Variants in XRCC1 observed in about 807,000 individuals in gnomAD.
The protein encoded by XRCC1 is X-ray repair cross complementing 1.
A neutral mutation model predicts 83.3 loss-of-function variants in XRCC1; 52 were observed. The observed-to-expected ratio is 0.62, with a 90% CI of 0.50 to 0.79. XRCC1 has a LOEUF of 0.79. XRCC1 is among the 30% of genes least tolerant of loss of function. The probability of loss-of-function intolerance (pLI) is 0.00; values close to 1 mark genes in which losing one functional copy is unlikely to be tolerated. For missense variants in XRCC1, 793 were observed against 823.5 expected (o/e 0.96, Z 0.45); for synonymous variants, 281 against 312.6 (o/e 0.90, Z 1.07).
chr19:43,560,217 C>A (rs550285228), intron 3 of XRCC1, among the ~76,000 whole-genome samples: 1 of 150,912 alleles, frequency 6.6e-6, no homozygotes, highest in South Asian at 2.1e-4. Context: ...GGTGAAACCC[C>A]GTCTCTACTA....
At position 43,554,734 on chromosome 19, in the gene XRCC1, C is replaced by A; in HGVS notation, c.326G>T (p.Arg109Leu). The change falls in exon 4 of 17, where the codon CGC (arginine) becomes CTC (leucine). Residue 109 changes from arginine (R) to leucine (L), a missense_variant. Arg to Leu is a moderately radical substitution (Grantham distance 102). Coordinates refer to ENST00000262887, the MANE Select transcript of XRCC1 (RefSeq NM_006297.3). The part of the protein sequence containing the change: ...SRSGSNPNRV[R>L]MFGPDKLVRA... Reference sequence around the variant, plus strand: ...GACCAGCTTGTCAGGCCCAAACATGCGAACGCGGTTGGGGTTTGAGCCACT... The same window carrying A: ...GACCAGCTTGTCAGGCCCAAACATGAGAACGCGGTTGGGGTTTGAGCCACT... The A allele has an allele frequency of 1.2e-6, 2 of 1,613,962 alleles. No individual in the cohort carries two copies. The highest frequency in any genetic ancestry group is 1.7e-6 in the Non-Finnish European group (2 of 1,179,888).
chr19:43,553,207 A>G, intron 6 of XRCC1, 116 bp from the exon 7 acceptor site: 2 of 1,245,654 alleles, frequency 1.6e-6, no homozygotes, highest in Non-Finnish European at 2.2e-6. Flanking sequence ...CAGGAGTCCC[A>G]GCCTCCAGAC....
Position 43,564,514 on chromosome 19 carries a change from C to T in XRCC1, c.145-3494G>A, listed in dbSNP as rs3213306. ...GGCTAAAAACACAAATTTGGCCAGG[C>T]GCAGTGGCTCACGCCTGTAATCCCA... On this transcript the variant is annotated intron_variant, in intron 2 of 16. Coordinates refer to ENST00000262887, the MANE Select transcript of XRCC1 (RefSeq NM_006297.3). Among the ~76,000 whole-genome samples, 752 of 152,256 alleles carry T rather than the reference C, an allele frequency of 4.9e-3. 18 individuals are homozygous for T. Among genetic ancestry groups the T allele is most frequent in the East Asian group, 0.042 (216 of 5,188 alleles).
intron 4 of XRCC1, 28 bp downstream of exon 4, chr19:43,554,618 T>C: frequency 6.3e-7 from 1 of 1,596,016 alleles, no homozygotes; most frequent in Non-Finnish European, 8.6e-7. Flanking sequence ...GACCAAGGAC[T>C]CTGCACCCTG....
intron 14 of XRCC1, among the ~76,000 whole-genome samples, chr19:43,544,988 G>A (rs3213396): frequency 0.052 from 7,853 of 152,230 alleles, 268 homozygotes; most frequent in Middle Eastern, 0.18. Flanking sequence ...GGCTGAAAAC[G>A]TCAGTATCTG....
At chr19:43,543,709 G>C (rs1451637373) in intron 15 of XRCC1, 22 bp from the exon 16 acceptor site, 1 of 1,611,224 alleles carries the variant, frequency 6.2e-7, no homozygotes, top group Non-Finnish European at 8.5e-7. Flanking sequence ...GAAGAAAAGA[G>C]GTAGAAGGCA....
Position 43,574,980 on chromosome 19 carries a change from A to G in XRCC1, c.74T>C (p.Leu25Pro), listed in dbSNP as rs1466201427. The G allele has an allele frequency of 6.8e-6, 11 of 1,614,076 alleles. No homozygotes were observed. Among genetic ancestry groups the G allele is most frequent in the Non-Finnish European group, 9.3e-6 (11 of 1,179,996 alleles). ...CCATTTTCGGTAAGTGTCTGCCTTG[A>G]GAAGATTTTCTGCACAGTGAGTCTG... ...QDSTHCAENL[L>P]KADTYRKWRA... Residue 25 changes from leucine to proline, a missense_variant, in exon 2 of 17, where the codon CTC (leucine) becomes CCC (proline). By Grantham distance (98) the Leu-to-Pro change is moderately conservative. Coordinates refer to ENST00000262887, the MANE Select transcript of XRCC1 (RefSeq NM_006297.3).
At chr19:43,574,804 C>T in intron 2 of XRCC1, 106 bp downstream of exon 2, 1 of 870,466 alleles carries the variant, frequency 1.1e-6, no homozygotes. Context: ...GAAGCTGAGG[C>T]CCAGCAAAGA....
intron 10 of XRCC1, among the ~76,000 whole-genome samples, chr19:43,550,990 T>C (rs1281209201): frequency 1.3e-5 from 2 of 152,074 alleles, no homozygotes; most frequent in African/African-American, 4.8e-5. Context: ...TTTGGGTTTT[T>C]TTTTTCTTGT....
At chr19:43,552,776 C>A in intron 8 of XRCC1, 21 bp downstream of exon 8, 1 of 1,574,900 alleles carries the variant, frequency 6.3e-7, no homozygotes. Flanking sequence ...CCTGTGGAAA[C>A]AAGGGATCTA....
intron 10 of XRCC1, among the ~76,000 whole-genome samples, chr19:43,550,336 C>T (rs187486492): frequency 1.3e-5 from 2 of 151,820 alleles, no homozygotes; most frequent in African/African-American, 2.4e-5. Flanking sequence ...ATGACTGCAG[C>T]GAAATGAGTT....
intron 5 of XRCC1, 27 bp downstream of exon 5, chr19:43,553,582 C>A: frequency 6.2e-7 from 1 of 1,611,566 alleles, no homozygotes; most frequent in Non-Finnish European, 8.5e-7. Flanking sequence ...AGGGAGAAGG[C>A]CATGGGGAGT....
intron 2 of XRCC1, among the ~76,000 whole-genome samples, chr19:43,567,895 GAC>G (rs1972769141): frequency 7.2e-6 from 1 of 138,192 alleles, no homozygotes; most frequent in Non-Finnish European, 1.5e-5. Context: ...TTTTTTTTGA[GAC>G]AGAGTCTTGC....
chr19:43,571,511 T>C (rs1166817943), intron 2 of XRCC1, among the ~76,000 whole-genome samples: 2 of 152,236 alleles, frequency 1.3e-5, no homozygotes, highest in African/African-American at 4.8e-5. Context: ...CTGAATTTCT[T>C]TTGTTTTTAA....
Position 43,554,718 on chromosome 19 carries a change from G to T in XRCC1, c.342C>A (p.Asp114Glu), listed in dbSNP as rs1018004950. Residue 114 changes from aspartate to glutamate, a missense_variant, in exon 4 of 17, where the codon GAC (aspartate) becomes GAA (glutamate). Asp to Glu is a conservative substitution (Grantham distance 45). Transcript: ENST00000262887. ...TCTCGGCGGCTGCCCGGACCAGCTT[G>T]TCAGGCCCAAACATGCGAACGCGGT... ...NPNRVRMFGPDKLVRAAAEKR... is the reference protein window; with the variant it reads ...NPNRVRMFGPEKLVRAAAEKR... The T allele has an allele frequency of 5.6e-6, 9 of 1,613,946 alleles. No individual in the cohort carries two copies. The African/African-American group carries it at 1.2e-4, about 22-fold the overall frequency.
chr19:43,574,106 C>T (rs1972831192), intron 2 of XRCC1, among the ~76,000 whole-genome samples: 1 of 151,992 alleles, frequency 6.6e-6, no homozygotes, highest in Non-Finnish European at 1.5e-5. Context: ...TTGGGGGTCT[C>T]ACTCTGGTGC....
chr19:43,574,010 C>A (rs1361947087), intron 2 of XRCC1, among the ~76,000 whole-genome samples: 3 of 152,170 alleles, frequency 2.0e-5, no homozygotes, highest in Non-Finnish European at 4.4e-5. Flanking sequence ...TGAGCTAATC[C>A]ATGTGAGTGA....
At chr19:43,543,768 C>T in intron 15 of XRCC1, 81 bp from the exon 16 acceptor site, 1 of 1,341,144 alleles carries the variant, frequency 7.5e-7, no homozygotes, top group Non-Finnish European at 1.1e-6. Context: ...CTCTCAATGG[C>T]TGTCCCCACA....
At chr19:43,559,385 A>G (rs1972673196) in intron 3 of XRCC1, among the ~76,000 whole-genome samples, 1 of 140,938 alleles carries the variant, frequency 7.1e-6, no homozygotes, top group Admixed American at 7.7e-5. Flanking sequence ...CCGGAGGCTG[A>G]GGCAGAATGG....
Sources: gnomAD v4.1 joint callset for allele counts (sites outside exome capture counted in the v4.1 genomes callset) on GRCh38, gnomAD v4.1.1 for gene constraint, MANE v1.5 for transcripts, NCBI Gene and HGNC (gene_info 2026-07-23, HGNC 2026-07-21) for gene names.